ZC3H13: variants seen among roughly 807,000 people sequenced by gnomAD.
ZC3H13 encodes zinc finger CCCH domain-containing protein 13.
ZC3H13 carries 64 observed loss-of-function variants against 204.1 expected under a neutral mutation model. That is an observed-to-expected ratio of 0.31 (90% CI 0.26 to 0.39). The LOEUF is 0.39. ZC3H13 is among the 10% of genes least tolerant of loss of function. The pLI, the probability that ZC3H13 is intolerant of heterozygous loss-of-function variation, is 1.00. For synonymous variants in ZC3H13, 667 were observed against 693.7 expected, an observed-to-expected ratio of 0.96 and a Z score of 0.60; for missense variants, 1,833 against 2,082.7, an observed-to-expected ratio of 0.88 and a Z score of 2.33.
In ZC3H13 at chr13:45,970,422, G is replaced by A. The variant is rs1452782127; in HGVS notation, c.2512C>T (p.Pro838Ser). 6.2e-7 allele frequency: 1 copy of A among 1,613,938 alleles called. No individual in the cohort carries two copies. The highest frequency in any genetic ancestry group is 2.2e-5 in the East Asian group (1 of 44,872). The change falls in exon 13 of 19, where the codon CCG becomes TCG. Residue 838 changes from proline to serine, a missense_variant. This residue lies in a region of ZC3H13 where 1,574 missense variants were observed against 1,757.2 expected (regional missense o/e 0.90). Coordinates refer to ENST00000679008, the MANE Select transcript of ZC3H13 (RefSeq NM_001330564.2). ...NEGSPSPRQS[P>S]KRRREHSPDS... ...GGAGAATGTTCACGCCGGCGCTTCG[G>A]GGACTGTCTAGGGCTGGGACTCCCT...
At chr13:45,970,534 C>G in intron 12 of ZC3H13, 69 bp from the exon 13 acceptor site, 1 of 1,310,624 alleles carries the variant, frequency 7.6e-7, no homozygotes, top group Admixed American at 1.9e-5. Context: ...TTTGTTTTTA[C>G]TAGTATCTCT....
At chr13:46,025,220 ACATT>A (rs2042467870) in intron 4 of ZC3H13, among the ~76,000 whole-genome samples, 1 of 152,212 alleles carries the variant, frequency 6.6e-6, no homozygotes, top group Non-Finnish European at 1.5e-5. Context: ...AGGATTTTAA[ACATT>A]CAATGTTTTA....
At chr13:45,961,758 T>C (rs868016100) in intron 17 of ZC3H13, among the ~76,000 whole-genome samples, 12 of 152,234 alleles carry the variant, frequency 7.9e-5, no homozygotes, top group African/African-American at 2.9e-4. Context: ...ATACAGAGGA[T>C]AAATGCTTGA....
intron 1 of ZC3H13, among the ~76,000 whole-genome samples, chr13:46,051,561 T>C (rs1286927921): frequency 6.6e-6 from 1 of 152,204 alleles, no homozygotes; most frequent in African/African-American, 2.4e-5. Flanking sequence ...ACTGGCACCA[T>C]ATACCCATAG....
intron 11 of ZC3H13, among the ~76,000 whole-genome samples, chr13:45,976,671 C>T (rs1047220545): frequency 3.9e-5 from 6 of 152,072 alleles, no homozygotes; most frequent in Non-Finnish European, 7.4e-5. Flanking sequence ...CCCAGTTGAG[C>T]AGAAAATTAG....
At chr13:46,042,101 A>G in intron 4 of ZC3H13, 63 bp downstream of exon 4, 1 of 1,277,902 alleles carries the variant, frequency 7.8e-7, no homozygotes, top group Non-Finnish European at 1.1e-6. Flanking sequence ...AATATTTAAA[A>G]TGAAACTCAA....
chr13:46,044,046 A>G (rs2043770261), intron 3 of ZC3H13, among the ~76,000 whole-genome samples: 1 of 151,998 alleles, frequency 6.6e-6, no homozygotes, highest in Non-Finnish European at 1.5e-5. Context: ...CAGTATTCAG[A>G]ATCACAAATA....
At chr13:45,993,836 G>A (rs895100123) in intron 8 of ZC3H13, among the ~76,000 whole-genome samples, 61 of 152,232 alleles carry the variant, frequency 4.0e-4, no homozygotes, top group African/African-American at 1.4e-3. Context: ...TCTTTTAAAA[G>A]ATCACTCCTC....
chr13:46,020,620 G>C (rs1326373183), intron 4 of ZC3H13, 63 bp from the exon 5 acceptor site: 1 of 1,062,010 alleles, frequency 9.4e-7, no homozygotes, highest in Non-Finnish European at 1.4e-6. Context: ...GTAGTTTATT[G>C]TAATAAGAGA....
At chr13:46,044,896 G>C (rs969507917) in intron 3 of ZC3H13, 59 bp downstream of exon 3, 14 of 1,256,918 alleles carry the variant, frequency 1.1e-5, no homozygotes, top group Non-Finnish European at 1.1e-5. Flanking sequence ...TTTTATACTA[G>C]ATAAATTACA....
chr13:46,027,390 C>G (rs570092672), intron 4 of ZC3H13, among the ~76,000 whole-genome samples: 28 of 152,320 alleles, frequency 1.8e-4, no homozygotes, highest in African/African-American at 6.3e-4. Context: ...CAGGCATGAG[C>G]CACTGTGCCC....
Position 45,979,974 on chromosome 13 carries a change from T to A in ZC3H13, c.1751A>T (p.Asp584Val), listed in dbSNP as rs761260581. The change falls in exon 11 of 19, where the codon GAT becomes GTT. Residue 584 changes from aspartate (D) to valine (V), a missense_variant. Physicochemically the swap from Asp to Val is radical, Grantham distance 152. Around this residue, in one of 5 missense-constraint regions of ZC3H13, gnomAD observed 1,574 missense variants for 1,757.2 expected, o/e 0.90. Coordinates refer to ENST00000679008, the MANE Select transcript of ZC3H13 (RefSeq NM_001330564.2). ...GSRGSRGSQI[D>V]SHSSNSNYHD... ...ATAGTTGCTATTACTACTGTGACTA[T>A]CAATTTGAGAACCTCTTGAGCCTCG... is the stretch of plus-strand genomic sequence containing the variant. 1.2e-6 allele frequency: 2 copies of A among 1,607,232 alleles called. No individual in the cohort carries two copies. The highest frequency in any genetic ancestry group is 4.5e-5 in the East Asian group (2 of 44,474).
At chr13:46,020,062 ATAACTT>A (rs2042134082) in intron 5 of ZC3H13, among the ~76,000 whole-genome samples, 1 of 152,188 alleles carries the variant, frequency 6.6e-6, no homozygotes, top group African/African-American at 2.4e-5. Context: ...TTTCTTGGAA[ATAACTT>A]TCCCAAGTCC....
At chr13:45,970,642 T>C (rs967262046) in intron 12 of ZC3H13, among the ~76,000 whole-genome samples, 177 bp from the exon 13 acceptor site, 4 of 152,212 alleles carry the variant, frequency 2.6e-5, no homozygotes, top group Non-Finnish European at 4.4e-5. Context: ...CTTTACTTCA[T>C]TTGCTAAGAA....
intron 8 of ZC3H13, among the ~76,000 whole-genome samples, chr13:45,996,436 T>C (rs1159642295): frequency 2.6e-5 from 4 of 152,220 alleles, no homozygotes; most frequent in Admixed American, 1.3e-4. Context: ...TAGGCCCAGC[T>C]TACCTGCTGT....
At chr13:45,999,827 A>G (rs1418970281) in intron 8 of ZC3H13, among the ~76,000 whole-genome samples, 2 of 64,506 alleles carry the variant, frequency 3.1e-5, no homozygotes, top group African/African-American at 1.8e-4. Context: ...GTATTTTTTA[A>G]ATAAGACTCA....
At chr13:45,977,634 A>T (rs1953170168) in intron 11 of ZC3H13, among the ~76,000 whole-genome samples, 1 of 152,076 alleles carries the variant, frequency 6.6e-6, no homozygotes, top group Non-Finnish European at 1.5e-5. Context: ...ATCCAAGTAC[A>T]ATCAACTTCA....
chr13:45,989,510 T>C (rs889474753), intron 8 of ZC3H13, among the ~76,000 whole-genome samples: 2 of 152,208 alleles, frequency 1.3e-5, no homozygotes, highest in Admixed American at 1.3e-4. Context: ...AGAATGCCTG[T>C]AAATTCATGG....
At chr13:46,014,357 C>T (rs1483994367) in intron 5 of ZC3H13, among the ~76,000 whole-genome samples, 2 of 152,006 alleles carry the variant, frequency 1.3e-5, no homozygotes, top group African/African-American at 4.8e-5. Context: ...CCCCTCACCC[C>T]CCATCCCCAC....
Sources: gnomAD v4.1 joint callset for allele counts (sites outside exome capture counted in the v4.1 genomes callset) on GRCh38, gnomAD v4.1.1 for gene constraint, gnomAD v4.1.1 regional missense constraint, MANE v1.5 for transcripts, NCBI Gene and HGNC (gene_info 2026-07-23, HGNC 2026-07-21) for gene names.